ERGIC2: variants seen among roughly 807,000 people sequenced by gnomAD.
ERGIC2 encodes the protein endoplasmic reticulum-Golgi intermediate compartment protein 2.
ERGIC2 carries 31 observed loss-of-function variants against 52.5 expected under a neutral mutation model. The observed-to-expected ratio is 0.59, with a 90% CI of 0.44 to 0.80. The LOEUF is 0.80. Among genes scored for constraint, ERGIC2 ranks in the 30% least tolerant of loss-of-function variants. The probability of loss-of-function intolerance (pLI) is 0.00; values close to 1 mark genes in which losing one functional copy is unlikely to be tolerated. For synonymous variants in ERGIC2, 129 were observed against 140.6 expected (o/e 0.92, Z 0.58); for missense variants, 395 against 455.2 (o/e 0.87, Z 1.20).
intron 1 of ERGIC2, among the ~76,000 whole-genome samples, chr12:29,375,114 C>T (rs930042775): frequency 4.6e-5 from 7 of 152,098 alleles, no homozygotes; most frequent in Admixed American, 1.3e-4. Context: ...TTCCCCCTAC[C>T]GCATCTCTAC....
chr12:29,379,111 C>T (rs1940552837), intron 1 of ERGIC2, among the ~76,000 whole-genome samples: 1 of 152,078 alleles, frequency 6.6e-6, no homozygotes, highest in Non-Finnish European at 1.5e-5. Flanking sequence ...ACAGAATAAC[C>T]TTAAAAGTGC....
intron 9 of ERGIC2, 132 bp from the exon 10 acceptor site, chr12:29,349,309 AT>A: frequency 2.4e-6 from 1 of 420,756 alleles, no homozygotes. Context: ...ATAATACAGT[AT>A]TTTAAGCCAC....
At position 29,339,989 on chromosome 12, in the gene ERGIC2, G is replaced by C. The variant is rs1302305770; in HGVS notation, c.*1167C>G. Reference sequence around the variant, plus strand: ...CCAAATACAGCTTTTAATAGTACCTGTGTGATAGCTCCCTCTCACTGTTTT... The same window carrying C: ...CCAAATACAGCTTTTAATAGTACCTCTGTGATAGCTCCCTCTCACTGTTTT... On this transcript the variant is annotated 3_prime_UTR_variant, in exon 14 of 14. Coordinates refer to ENST00000360150, the MANE Select transcript of ERGIC2 (RefSeq NM_016570.3). The C allele has an allele frequency of 6.6e-6, 1 of 152,138 alleles. No homozygotes were observed. Among genetic ancestry groups the C allele is most frequent in the Admixed American group, 6.5e-5 (1 of 15,282 alleles). The allele number at this position is 152,138 out of a possible 1,614,324, so 9.4% of individuals were successfully genotyped here. A position where few individuals can be genotyped will look rare whatever the true frequency, so the allele number is the denominator to read the frequency against.
chr12:29,341,370 T>C, intron 13 of ERGIC2, 152 bp from the exon 14 acceptor site: 1 of 678,404 alleles, frequency 1.5e-6, no homozygotes, highest in South Asian at 1.9e-5. Context: ...TCTATCTCTC[T>C]ATCTCTATCT....
At position 29,356,286 on chromosome 12, in the gene ERGIC2, G is replaced by A. The variant is rs1940203373; in HGVS notation, c.572+96C>T. Reference sequence around the variant, plus strand: ...GATCCACCCGCCTCAGCCTCCCAAAGTGCTGGGATTACAGGCGCGAGCCAT... The same window carrying A: ...GATCCACCCGCCTCAGCCTCCCAAAATGCTGGGATTACAGGCGCGAGCCAT... On this transcript the variant is annotated intron_variant, in intron 8 of 13. Transcript: ENST00000360150. 1.8e-5 allele frequency: 13 copies of A among 712,582 alleles called. No individual in the cohort carries two copies. The South Asian group carries it at 2.1e-4, about 12-fold the overall frequency. 44.1% of individuals were successfully genotyped at this position (712,582 alleles called of 1,614,324 possible).
chr12:29,364,524 T>C (rs1024113764), intron 5 of ERGIC2, among the ~76,000 whole-genome samples: 2 of 152,058 alleles, frequency 1.3e-5, no homozygotes, highest in Non-Finnish European at 2.9e-5. Flanking sequence ...GAAAACACCA[T>C]TGTGGGCATC....
rs879735798 is a variant in ERGIC2 at position 29,340,652 on chromosome 12, G to GTT, written c.*502_*503dup. The GTT allele has an allele frequency of 2.5e-3, 582 of 235,538 alleles. No individual in the cohort carries two copies. Among genetic ancestry groups the GTT allele is most frequent in the South Asian group, 5.5e-3 (122 of 22,076 alleles). The allele number at this position is 235,538 out of a possible 1,614,324, so 14.6% of individuals were successfully genotyped here. A position where few individuals can be genotyped will look rare whatever the true frequency, so the allele number is the denominator to read the frequency against. On this transcript the variant is annotated 3_prime_UTR_variant, in exon 14 of 14. Coordinates refer to ENST00000360150, the MANE Select transcript of ERGIC2 (RefSeq NM_016570.3). Reference sequence around the variant, plus strand: ...ATGGCTATAACATAGGGACTAGCCCGTTTTTTTTTTTTATTAACAATGTGA... The same window carrying GTT: ...ATGGCTATAACATAGGGACTAGCCCGTTTTTTTTTTTTTTATTAACAATGTGA...
chr12:29,339,813 C>G lies in ERGIC2; in HGVS notation c.*1343G>C, dbSNP rs1287196281. ...CTTGTGATATCCTGTTTTCTAAAAC[C>G]ACTATTTTAAATCTAGTTTTTCAGT... On this transcript the variant is annotated 3_prime_UTR_variant, in exon 14 of 14. Coordinates refer to ENST00000360150, the MANE Select transcript of ERGIC2 (RefSeq NM_016570.3). The G allele has an allele frequency of 2.0e-5, 3 of 151,998 alleles. No homozygotes were observed. The highest frequency in any genetic ancestry group is 7.2e-5 in the African/African-American group (3 of 41,410). 9.4% of individuals were successfully genotyped at this position (151,998 alleles called of 1,614,324 possible).
intron 1 of ERGIC2, chr12:29,372,786 G>A (rs1432170587): frequency 6.6e-6 from 1 of 151,452 alleles, no homozygotes; most frequent in Non-Finnish European, 1.5e-5. Flanking sequence ...CTCCCAAATA[G>A]CTAGGACTAT....
chr12:29,340,971 G>T lies in ERGIC2; in HGVS notation c.*185C>A, dbSNP rs865821829. 3.9e-5 allele frequency: 23 copies of T among 595,826 alleles called. No homozygotes were observed. The South Asian group carries it at 4.2e-4, about 11-fold the overall frequency. 36.9% of individuals were successfully genotyped at this position (595,826 alleles called of 1,614,324 possible). The stretch of plus-strand genomic sequence containing the variant: ...CTGCATGATTTCTTCTACGACATTT[G>T]TAACAGACACAACGTATATAGAATT... On this transcript the variant is annotated 3_prime_UTR_variant, in exon 14 of 14. Coordinates refer to ENST00000360150, the MANE Select transcript of ERGIC2 (RefSeq NM_016570.3).
At position 29,340,983 on chromosome 12, in the gene ERGIC2, A is replaced by G; in HGVS notation, c.*173T>C. ...TTCTACGACATTTGTAACAGACACAACGTATATAGAATTTCAGTTTGGGTT... is the reference window on the plus strand; with the variant it reads ...TTCTACGACATTTGTAACAGACACAGCGTATATAGAATTTCAGTTTGGGTT... On this transcript the variant is annotated 3_prime_UTR_variant, in exon 14 of 14. Transcript: ENST00000360150. The G allele has an allele frequency of 1.6e-6, 1 of 615,658 alleles. No homozygotes were observed. Among genetic ancestry groups the G allele is most frequent in the Non-Finnish European group, 2.9e-6 (1 of 344,162 alleles). 38.1% of individuals were successfully genotyped at this position (615,658 alleles called of 1,614,324 possible).
intron 6 of ERGIC2, among the ~76,000 whole-genome samples, chr12:29,358,103 C>T (rs894251134): frequency 6.6e-6 from 1 of 152,086 alleles, no homozygotes; most frequent in Non-Finnish European, 1.5e-5. Flanking sequence ...AAGAGTAGGA[C>T]AAATAAGGGG....
At chr12:29,347,502 T>C (rs1008533732) in intron 10 of ERGIC2, among the ~76,000 whole-genome samples, 3 of 152,238 alleles carry the variant, frequency 2.0e-5, no homozygotes, top group Admixed American at 6.5e-5. Flanking sequence ...TCTCATATCA[T>C]AGGCAATCTC....
intron 5 of ERGIC2, among the ~76,000 whole-genome samples, chr12:29,366,179 C>A (rs1397817860): frequency 1.3e-5 from 2 of 151,882 alleles, no homozygotes; most frequent in Non-Finnish European, 2.9e-5. Flanking sequence ...ACCACCATGC[C>A]AACAGAGCAA....
intron 1 of ERGIC2, among the ~76,000 whole-genome samples, chr12:29,375,715 A>G (rs1033600771): frequency 2.0e-5 from 3 of 151,352 alleles, no homozygotes; most frequent in Non-Finnish European, 4.4e-5. Context: ...CCTATTCAAC[A>G]CTCCTCCCTT....
At chr12:29,362,595 C>CAA (rs11289079) in intron 5 of ERGIC2, among the ~76,000 whole-genome samples, 1 of 137,148 alleles carries the variant, frequency 7.3e-6, no homozygotes, top group East Asian at 2.1e-4. Context: ...AACTCCGTTT[C>CAA]AAAAAAAAAA....
chr12:29,359,938 A>G (rs1940259925), intron 6 of ERGIC2, among the ~76,000 whole-genome samples: 1 of 152,050 alleles, frequency 6.6e-6, no homozygotes, highest in Non-Finnish European at 1.5e-5. Flanking sequence ...AAGAAAACTA[A>G]CCAAGCAAAA....
At chr12:29,352,410 C>T (rs1860399150) in intron 8 of ERGIC2, among the ~76,000 whole-genome samples, 1 of 152,160 alleles carries the variant, frequency 6.6e-6, no homozygotes, top group Non-Finnish European at 1.5e-5. Flanking sequence ...CACCTGTAAT[C>T]CTAGCACTTT....
intron 8 of ERGIC2, among the ~76,000 whole-genome samples, chr12:29,353,548 A>G (rs1482969400): frequency 2.0e-5 from 3 of 152,002 alleles, no homozygotes; most frequent in Non-Finnish European, 4.4e-5. Context: ...ATTTCCTTTG[A>G]GCATCGTGTT....
Sources: allele counts gnomAD v4.1 joint callset (sites outside exome capture counted in the v4.1 genomes callset), GRCh38; gene constraint gnomAD v4.1.1; transcripts MANE v1.5; gene names NCBI Gene and HGNC (gene_info 2026-07-23, HGNC 2026-07-21).